Variants in QSOX1 observed in about 807,000 individuals in gnomAD.
The protein encoded by QSOX1 is quiescin sulfhydryl oxidase 1.
A neutral mutation model predicts 76.1 loss-of-function variants in QSOX1; 40 were observed. The ratio of observed to expected loss-of-function variants is 0.53; its 90% CI spans 0.41 to 0.68. The LOEUF is 0.68. Ranked by LOEUF, QSOX1 falls within the 30% of genes least tolerant of loss-of-function variation. The pLI is 0.00. For synonymous variants in QSOX1, 392 were observed against 413.1 expected (o/e 0.95, Z 0.62); for missense variants, 931 against 974.3 (o/e 0.96, Z 0.59).
In QSOX1 at chr1:180,200,594, C is replaced by G. The variant is rs1663615987; in HGVS notation, c.*3557C>G. 1 of 152,184 alleles carries G rather than the reference C, an allele frequency of 6.6e-6. No individual in the cohort carries two copies. The highest frequency in any genetic ancestry group is 6.5e-5 in the Admixed American group (1 of 15,284). The allele number at this position is 152,184 out of a possible 1,614,324, so 9.4% of individuals were successfully genotyped here. On this transcript the variant is annotated 3_prime_UTR_variant, in exon 12 of 12. Coordinates refer to ENST00000367602, the MANE Select transcript of QSOX1 (RefSeq NM_002826.5). ...GAATTGATGTGTATGATTTATTGAA[C>G]TTTGCACTCATTTAAATCTCATTTA...
At chr1:180,187,417 G>C (rs890129606) in intron 8 of QSOX1, among the ~76,000 whole-genome samples, 2 of 152,120 alleles carry the variant, frequency 1.3e-5, no homozygotes, top group Non-Finnish European at 2.9e-5. Context: ...ACTGACCCAC[G>C]TACAGTCCCT....
At chr1:180,188,521 T>TTG (rs1663229242) in intron 8 of QSOX1, among the ~76,000 whole-genome samples, 1 of 152,234 alleles carries the variant, frequency 6.6e-6, no homozygotes, top group South Asian at 2.1e-4. Flanking sequence ...AGCTGTAAAT[T>TTG]TGTGTGTGAG....
At position 180,197,241 on chromosome 1, in the gene QSOX1, G is replaced by T; in HGVS notation, c.*204G>T. 6.2e-7 allele frequency: 1 copy of T among 1,600,754 alleles called. No homozygotes were observed. On this transcript the variant is annotated 3_prime_UTR_variant, in exon 12 of 12. Coordinates refer to ENST00000367602, the MANE Select transcript of QSOX1 (RefSeq NM_002826.5). ...ACACAAAAGACAGGAGCAGGGTCCA[G>T]GTTCCCCTGCTGTGCAGGGAGGGCA... is the stretch of plus-strand genomic sequence containing the variant.
chr1:180,170,599 G>C (rs1662737002), intron 2 of QSOX1, among the ~76,000 whole-genome samples: 2 of 152,166 alleles, frequency 1.3e-5, no homozygotes, highest in African/African-American at 4.8e-5. Context: ...GTAAAGTGAT[G>C]AAAGAAAAGG....
chr1:180,196,423 T>C lies in QSOX1; in HGVS notation c.1630T>C (p.Phe544Leu). The C allele has an allele frequency of 6.2e-7, 1 of 1,614,186 alleles. No homozygotes were observed. Among genetic ancestry groups the C allele is most frequent in the Non-Finnish European group, 8.5e-7 (1 of 1,180,006 alleles). Reference sequence around the variant, plus strand: ...CTCCCCAAGCAACATCATCCTGGACTTCCCTGCAGCTGGGTCAGCTGCCCG... The same window carrying C: ...CTCCCCAAGCAACATCATCCTGGACCTCCCTGCAGCTGGGTCAGCTGCCCG... ...HFSPSNIILDFPAAGSAARRD... is the reference protein window; with the variant it reads ...HFSPSNIILDLPAAGSAARRD... Residue 544 changes from phenylalanine (F) to leucine (L), a missense_variant, in exon 12 of 12, where the codon TTC becomes CTC. Coordinates refer to ENST00000367602, the MANE Select transcript of QSOX1 (RefSeq NM_002826.5). This position sits in a 1 kb window ranked among gnomAD's most constrained non-coding sequence, Gnocchi z 4.1.
chr1:180,176,940 T>C (rs1662910736), intron 4 of QSOX1, among the ~76,000 whole-genome samples: 1 of 152,194 alleles, frequency 6.6e-6, no homozygotes, highest in Non-Finnish European at 1.5e-5. Context: ...CAAGTGTCAG[T>C]TGGGGTTGAA....
rs149269903 is a variant in QSOX1, at chr1:180,166,537, G to C, written c.312G>C (p.Glu104Asp). The C allele has an allele frequency of 4.8e-5, 77 of 1,614,160 alleles. No homozygotes were observed. The African/African-American group carries it at 8.4e-4, about 18-fold the overall frequency. Residue 104 changes from glutamate (E) to aspartate (D), a missense_variant, in exon 2 of 12, where the codon GAG (glutamate) becomes GAC (aspartate). By Grantham distance (45) the Glu-to-Asp change is conservative. Transcript: ENST00000367602. ...LYLAALDCAE[E>D]TNSAVCRDFN... Reference sequence around the variant, plus strand: ...TCGCCGCCCTGGACTGTGCTGAGGAGACCAACAGTGCAGTCTGCAGAGACT... The same window carrying C: ...TCGCCGCCCTGGACTGTGCTGAGGACACCAACAGTGCAGTCTGCAGAGACT...
intron 10 of QSOX1, among the ~76,000 whole-genome samples, chr1:180,194,008 G>T (rs1381509575): frequency 6.6e-6 from 1 of 152,116 alleles, no homozygotes; most frequent in Non-Finnish European, 1.5e-5. Context: ...AGTTTTGGGG[G>T]GATGGGGTCT....
In QSOX1 at chr1:180,189,577, A is replaced by G; in HGVS notation, c.1043A>G (p.Gln348Arg). 6.2e-7 allele frequency: 1 copy of G among 1,613,298 alleles called. No individual in the cohort carries two copies. The highest frequency in any genetic ancestry group is 8.5e-7 in the Non-Finnish European group (1 of 1,179,560). ...TATTTCCCTGGCCGGCCCTTAGTCC[A>G]GAACTTCCTGCACTCCGTGAATGAA... ...AKYFPGRPLVQNFLHSVNEWL... is the reference protein window; with the variant it reads ...AKYFPGRPLVRNFLHSVNEWL... The change falls in exon 9 of 12, where the codon CAG (glutamine) becomes CGG (arginine). Residue 348 changes from glutamine to arginine, a missense_variant. Gln to Arg is a conservative substitution (Grantham distance 43, BLOSUM62 1). Coordinates refer to ENST00000367602, the MANE Select transcript of QSOX1 (RefSeq NM_002826.5).
At chr1:180,181,559 C>T (rs895743972) in intron 5 of QSOX1, among the ~76,000 whole-genome samples, 12 of 152,192 alleles carry the variant, frequency 7.9e-5, no homozygotes, top group Non-Finnish European at 1.5e-4. Flanking sequence ...TTGTTTGTAT[C>T]CTACCCATGA....
chr1:180,190,965 A>G (rs1174690842), intron 10 of QSOX1, among the ~76,000 whole-genome samples: 3 of 152,236 alleles, frequency 2.0e-5, no homozygotes, highest in Admixed American at 6.5e-5. Context: ...TACAGTTTAC[A>G]TAGCTGATAC....
intron 10 of QSOX1, 75 bp downstream of exon 10, chr1:180,190,655 G>A: frequency 7.1e-7 from 1 of 1,418,260 alleles, no homozygotes; most frequent in Non-Finnish European, 9.3e-7. Context: ...AGAGGGGGCA[G>A]GGAAGCTCCC....
intron 2 of QSOX1, among the ~76,000 whole-genome samples, chr1:180,174,631 C>G (rs527356355): frequency 6.6e-6 from 1 of 152,192 alleles, no homozygotes; most frequent in East Asian, 1.9e-4. Flanking sequence ...GATGAGTCTG[C>G]AAAGGAAAAC....
In QSOX1 at chr1:180,182,306, T is replaced by A; in HGVS notation, c.739T>A (p.Ser247Thr). Residue 247 changes from serine to threonine, a missense_variant, in exon 6 of 12, where the codon TCC becomes ACC. Physicochemically the swap from Ser to Thr is moderately conservative, Grantham distance 58. Coordinates refer to ENST00000367602, the MANE Select transcript of QSOX1 (RefSeq NM_002826.5). The part of the protein sequence containing the change: ...CYLLFRNGSV[S>T]RVPVLMESRS... ...CCTGCTGTTCCGGAATGGCTCTGTC[T>A]CCCGAGTCCCCGTGTGAGTATCCTG... 1 of 1,614,204 alleles carries A rather than the reference T, an allele frequency of 6.2e-7. No individual in the cohort carries two copies. The highest frequency in any genetic ancestry group is 8.5e-7 in the Non-Finnish European group (1 of 1,180,020).
At position 180,175,358 on chromosome 1, in the gene QSOX1, T is replaced by C; in HGVS notation, c.404T>C (p.Val135Ala). Residue 135 changes from valine to alanine, a missense_variant, in exon 3 of 12, where the codon GTA (valine) becomes GCA (alanine). By Grantham distance (64) the Val-to-Ala change is moderately conservative (BLOSUM62 0). Coordinates refer to ENST00000367602, the MANE Select transcript of QSOX1 (RefSeq NM_002826.5). Reference protein sequence around the residue: ...KAFTKNGSGAVFPVAGADVQT... With the variant: ...KAFTKNGSGAAFPVAGADVQT... ...TTTACCAAGAACGGCTCGGGAGCAGTATTTCCAGGTGGGTGCCCAGCTCTG... is the reference window on the plus strand; with the variant it reads ...TTTACCAAGAACGGCTCGGGAGCAGCATTTCCAGGTGGGTGCCCAGCTCTG... 1 of 1,613,822 alleles carries C rather than the reference T, an allele frequency of 6.2e-7. No individual in the cohort carries two copies. The highest frequency in any genetic ancestry group is 8.5e-7 in the Non-Finnish European group (1 of 1,179,940).
At position 180,201,632 on chromosome 1, in the gene QSOX1, C is replaced by T. The variant is rs542800182; in HGVS notation, c.*4595C>T. On this transcript the variant is annotated 3_prime_UTR_variant, in exon 12 of 12. Transcript: ENST00000367602. ...GCATGCTGTTGTGCAGGACAGAGCCCTGGCTTCTCCTGGATGTCACACCTG... is the reference window on the plus strand; with the variant it reads ...GCATGCTGTTGTGCAGGACAGAGCCTTGGCTTCTCCTGGATGTCACACCTG... 1.0e-4 allele frequency: 16 copies of T among 152,510 alleles called. No homozygotes were observed. Among genetic ancestry groups the T allele is most frequent in the African/African-American group, 3.6e-4 (15 of 41,594 alleles). 9.4% of individuals were successfully genotyped at this position (152,510 alleles called of 1,614,324 possible).
rs1267488732 is a variant in QSOX1, at chr1:180,175,965, G to A, written c.447G>A (p.Arg149=). 6.2e-7 allele frequency: 1 copy of A among 1,600,682 alleles called. No individual in the cohort carries two copies. The highest frequency in any genetic ancestry group is 1.7e-5 in the Admixed American group (1 of 57,504). Residue 149 remains arginine (R), a synonymous_variant, in exon 4 of 12, where the codon AGG becomes AGA. Coordinates refer to ENST00000367602, the MANE Select transcript of QSOX1 (RefSeq NM_002826.5). Reference sequence around the variant, plus strand: ...CTGACGTGCAGACACTGCGGGAGAGGCTCATTGACGCCCTGGAGTCCCATC... The same window carrying A: ...CTGACGTGCAGACACTGCGGGAGAGACTCATTGACGCCCTGGAGTCCCATC... ...AGADVQTLRE[R]LIDALESHHD...
Position 180,194,205 on chromosome 1 carries a change from C to T in QSOX1, c.1289-8C>T. On this transcript the variant is annotated splice_region_variant and splice_polypyrimidine_tract_variant and intron_variant, in intron 10 of 11. Transcript: ENST00000367602. ...GGGCTGGTGCGTGGCATCTCCTCTG[C>T]CCTGTAGCCAAGGCCAAGGAGGTCC... 1.2e-6 allele frequency: 2 copies of T among 1,609,436 alleles called. No homozygotes were observed. The highest frequency in any genetic ancestry group is 8.5e-7 in the Non-Finnish European group (1 of 1,178,140).
At chr1:180,185,037 G>A (rs1663138783) in intron 7 of QSOX1, among the ~76,000 whole-genome samples, 1 of 152,178 alleles carries the variant, frequency 6.6e-6, no homozygotes, top group South Asian at 2.1e-4. Context: ...CCTTCCCTGT[G>A]TTACCTCATT....
Sources: gnomAD v4.1 joint callset for allele counts (sites outside exome capture counted in the v4.1 genomes callset) on GRCh38, gnomAD v4.1.1 for gene constraint, Gnocchi (gnomAD v3.1) non-coding constraint, MANE v1.5 for transcripts, NCBI Gene and HGNC (gene_info 2026-07-23, HGNC 2026-07-21) for gene names.